Variants in SAMSN1 observed in about 807,000 individuals in gnomAD.
SAMSN1 encodes the protein SAM domain-containing protein SAMSN-1.
SAMSN1 carries 31 observed loss-of-function variants against 42.0 expected under a neutral mutation model. The observed-to-expected ratio is 0.74, with a 90% CI of 0.55 to 1.00. The LOEUF is 1.00. Among genes scored for constraint, SAMSN1 ranks in the 50% least tolerant of loss-of-function variants. The pLI is 0.00. For synonymous variants in SAMSN1, 178 were observed against 151.9 expected (o/e 1.17, Z -1.26); for missense variants, 464 against 439.4 (o/e 1.06, Z -0.50).
chr21:14,564,172 C>G (rs920789331), intron 2 of SAMSN1, among the ~76,000 whole-genome samples: 1 of 152,242 alleles, frequency 6.6e-6, no homozygotes, highest in Non-Finnish European at 1.5e-5. Context: ...ATCAGATAAT[C>G]TAAGAGGACC....
At chr21:14,629,713 T>C (rs1472320154) in intron 2 of SAMSN1, among the ~76,000 whole-genome samples, 1 of 152,092 alleles carries the variant, frequency 6.6e-6, no homozygotes, top group African/African-American at 2.4e-5. Flanking sequence ...GGCTGGTAAA[T>C]TGCACGAACT....
At chr21:14,509,215 C>T (rs1399332479) in intron 5 of SAMSN1, among the ~76,000 whole-genome samples, 2 of 152,066 alleles carry the variant, frequency 1.3e-5, no homozygotes, top group East Asian at 3.8e-4. Flanking sequence ...TGGAATACTA[C>T]TCAGCCATAA....
chr21:14,516,931 T>G lies in SAMSN1; in HGVS notation c.240A>C (p.Lys80Asn). ...GGGCTTTGATGTACTTTTTACCCAC[T>G]TTTTTCTTCATTGTCCATGAAATAG... ...MRAISWTMKK[K>N]VGKKYIKALS... The change falls in exon 3 of 8, where the codon AAA becomes AAC. Residue 80 changes from lysine to asparagine, a missense_variant. Coordinates refer to ENST00000400566, the MANE Select transcript of SAMSN1 (RefSeq NM_022136.5). 1 of 1,612,582 alleles carries G rather than the reference T, an allele frequency of 6.2e-7. No individual in the cohort carries two copies. Among genetic ancestry groups the G allele is most frequent in the Non-Finnish European group, 8.5e-7 (1 of 1,179,374 alleles).
At chr21:14,490,515 T>C (rs1213048600) in intron 7 of SAMSN1, among the ~76,000 whole-genome samples, 1 of 152,200 alleles carries the variant, frequency 6.6e-6, no homozygotes, top group Non-Finnish European at 1.5e-5. Flanking sequence ...GAGGCAGCGT[T>C]ATCCAGGGAG....
chr21:14,577,236 G>GTGTATATATATATATATATATATA (rs1434763536), intron 2 of SAMSN1, among the ~76,000 whole-genome samples: 1 of 30,852 alleles, frequency 3.2e-5, no homozygotes, highest in Non-Finnish European at 5.5e-5. Flanking sequence ...ATATATATGT[G>GTGTATATATATATATATATATATA]TGTATATATA....
chr21:14,594,678 A>T lies in SAMSN1; in HGVS notation c.400-600T>A, dbSNP rs1184899138. On this transcript the variant is annotated intron_variant, in intron 6 of 15. Coordinates refer to the SAMSN1 transcript ENST00000647101. ...TGAAAACTTTATGTACCTGATATCA[A>T]ACAATTTCTACCTAGGGCACTTCAG... 3 of 152,168 alleles carry T rather than the reference A, an allele frequency of 2.0e-5. No individual in the cohort carries two copies. The East Asian group carries it at 5.8e-4, about 29-fold the overall frequency. The allele number at this position is 152,168 out of a possible 1,614,324, so 9.4% of individuals were successfully genotyped here. A position where few individuals can be genotyped will look rare whatever the true frequency, so the allele number is the denominator to read the frequency against.
chr21:14,532,901 ATTATTTAT>A (rs150980572), intron 1 of SAMSN1, among the ~76,000 whole-genome samples: 85 of 151,432 alleles, frequency 5.6e-4, no homozygotes, highest in South Asian at 1.7e-3. Flanking sequence ...TATTACTTTT[ATTATTTAT>A]TTATTTATTT....
chr21:14,515,721 A>T (rs1014498924), intron 3 of SAMSN1, among the ~76,000 whole-genome samples: 1 of 152,202 alleles, frequency 6.6e-6, no homozygotes, highest in Non-Finnish European at 1.5e-5. Context: ...ATTGGAGAAA[A>T]TATATTATAT....
At chr21:14,494,728 A>C (rs1242504350) in intron 7 of SAMSN1, among the ~76,000 whole-genome samples, 3 of 152,022 alleles carry the variant, frequency 2.0e-5, no homozygotes, top group African/African-American at 7.2e-5. Flanking sequence ...AAAAAGTGTA[A>C]TCCAGTTTAC....
At chr21:14,607,100 C>G (rs781159167) in intron 5 of SAMSN1, among the ~76,000 whole-genome samples, 1 of 152,070 alleles carries the variant, frequency 6.6e-6, no homozygotes, top group Non-Finnish European at 1.5e-5. Flanking sequence ...ATATTTTCTT[C>G]TATTTTATTG....
chr21:14,525,762 T>C (rs758676975), intron 1 of SAMSN1, among the ~76,000 whole-genome samples: 2 of 152,224 alleles, frequency 1.3e-5, no homozygotes, highest in African/African-American at 2.4e-5. Context: ...TAATTTTACA[T>C]ATATTTAAAA....
intron 6 of SAMSN1, among the ~76,000 whole-genome samples, chr21:14,595,936 A>C (rs967481535): frequency 6.6e-6 from 1 of 152,210 alleles, no homozygotes; most frequent in Non-Finnish European, 1.5e-5. Flanking sequence ...TTAAAAATGC[A>C]TGAGAATGAT....
intron 2 of SAMSN1, among the ~76,000 whole-genome samples, chr21:14,623,297 A>G (rs1310700767): frequency 6.6e-6 from 1 of 152,234 alleles, no homozygotes; most frequent in African/African-American, 2.4e-5. Context: ...AATGGGTTAA[A>G]TGCTCCAATT....
At chr21:14,577,697 T>G (rs1435323671) in intron 2 of SAMSN1, among the ~76,000 whole-genome samples, 4 of 152,170 alleles carry the variant, frequency 2.6e-5, no homozygotes, top group African/African-American at 7.2e-5. Context: ...CTTCAAAGAT[T>G]ATTTTTGGTC....
chr21:14,541,777 G>T (rs1312920574), intron 1 of SAMSN1, among the ~76,000 whole-genome samples: 1 of 152,076 alleles, frequency 6.6e-6, no homozygotes, highest in Non-Finnish European at 1.5e-5. Flanking sequence ...TAAAATATTT[G>T]AATATTAAGA....
chr21:14,492,627 T>C (rs1986741893), intron 7 of SAMSN1, among the ~76,000 whole-genome samples: 1 of 152,206 alleles, frequency 6.6e-6, no homozygotes, highest in Non-Finnish European at 1.5e-5. Context: ...AGAGAGGTCC[T>C]TATGTGACTA....
intron 2 of SAMSN1, among the ~76,000 whole-genome samples, chr21:14,563,353 G>A (rs562529325): frequency 3.9e-5 from 6 of 152,126 alleles, no homozygotes; most frequent in Admixed American, 1.3e-4. Flanking sequence ...TATTGAAGGA[G>A]AAATTTAACA....
At chr21:14,492,123 T>C (rs1986716004) in intron 7 of SAMSN1, among the ~76,000 whole-genome samples, 1 of 152,212 alleles carries the variant, frequency 6.6e-6, no homozygotes, top group South Asian at 2.1e-4. Context: ...TTTTAGTTAG[T>C]ATTTTTGTGC....
At chr21:14,568,875 T>A (rs1359545731) in intron 2 of SAMSN1, among the ~76,000 whole-genome samples, 1 of 152,180 alleles carries the variant, frequency 6.6e-6, no homozygotes, top group African/African-American at 2.4e-5. Context: ...TCATAGTATC[T>A]TACTGATTGA....
Sources: allele counts gnomAD v4.1 joint callset (sites outside exome capture counted in the v4.1 genomes callset), GRCh38; gene constraint gnomAD v4.1.1; transcripts MANE v1.5; gene names NCBI Gene and HGNC (gene_info 2026-07-23, HGNC 2026-07-21).